Variants in TAPT1 observed in about 807,000 individuals in gnomAD.
TAPT1 encodes the protein transmembrane anterior posterior transformation 1.
In TAPT1, 28 loss-of-function variants were observed where a neutral mutation model predicts 65.6. The observed-to-expected ratio is 0.43, with a 90% CI of 0.32 to 0.59. The LOEUF (loss-of-function observed/expected upper bound fraction) is 0.59, where lower values mean the gene tolerates loss of function less well. TAPT1 is among the 20% of genes least tolerant of loss of function. The pLI is 0.09. For synonymous variants in TAPT1, 278 were observed against 245.2 expected (o/e 1.13, Z -1.25); for missense variants, 563 against 679.9 (o/e 0.83, Z 1.91).
chr4:16,202,134 C>T (rs961776551), intron 3 of TAPT1, among the ~76,000 whole-genome samples: 1 of 152,078 alleles, frequency 6.6e-6, no homozygotes. Context: ...GAAATAAAGG[C>T]CCAGGTGAGT....
intron 3 of TAPT1, among the ~76,000 whole-genome samples, chr4:16,200,176 AACAGCCACTAAGAACATG>A (rs1749949435): frequency 6.6e-6 from 1 of 152,224 alleles, no homozygotes; most frequent in Non-Finnish European, 1.5e-5. Context: ...ACATTGTGCC[AACAGCCACTAAGAACATG>A]ACATGTCTTT....
rs941024143 is a variant in TAPT1 at position 16,226,340 on chromosome 4, G to A, written c.118C>T (p.Pro40Ser). 1.8e-6 allele frequency: 2 copies of A among 1,116,966 alleles called. No homozygotes were observed. Among genetic ancestry groups the A allele is most frequent in the African/African-American group, 1.7e-5 (1 of 60,014 alleles). The allele number at this position is 1,116,966 out of a possible 1,614,324, so 69.2% of individuals were successfully genotyped here. Residue 40 changes from proline (P) to serine (S), a missense_variant, in exon 1 of 14, where the codon CCC becomes TCC. Coordinates refer to ENST00000405303, the MANE Select transcript of TAPT1 (RefSeq NM_153365.3). ...TCTGTGAGCTGAGGCGCCGGCGGGG[G>A]CCCCTGTCCGCCGCTGCCGCCCGGC... ...EQPGGSGGQGPPPAPQLTETL... is the reference protein window; with the variant it reads ...EQPGGSGGQGSPPAPQLTETL...
intron 8 of TAPT1, among the ~76,000 whole-genome samples, chr4:16,178,269 GATGT>G (rs1265595988): frequency 1.3e-5 from 2 of 152,156 alleles, no homozygotes. Context: ...GCTGCTGTGA[GATGT>G]CATTTAATCT....
At chr4:16,182,261 T>C (rs1748752774) in intron 7 of TAPT1, among the ~76,000 whole-genome samples, 1 of 152,076 alleles carries the variant, frequency 6.6e-6, no homozygotes, top group Non-Finnish European at 1.5e-5. Flanking sequence ...AATAACAGAG[T>C]CTGATACTGA....
chr4:16,169,217 G>A (rs1578409953), intron 12 of TAPT1, among the ~76,000 whole-genome samples: 1 of 152,316 alleles, frequency 6.6e-6, no homozygotes, highest in Admixed American at 6.5e-5. Flanking sequence ...GGAGGCTGGG[G>A]CACAGGTGCC....
chr4:16,162,973 A>ATTCAACAT lies in TAPT1; in HGVS notation c.*327_*334dup, dbSNP rs1361753547. On this transcript the variant is annotated 3_prime_UTR_variant, in exon 14 of 14. Transcript: ENST00000405303. ...TTATACTGAAGAGGCCTTGAGGCAA[A>ATTCAACAT]TTCAACATTCTGGAAGCCCAGACTG... The ATTCAACAT allele has an allele frequency of 4.2e-6, 2 of 475,264 alleles. No individual in the cohort carries two copies. Among genetic ancestry groups the ATTCAACAT allele is most frequent in the Admixed American group, 4.6e-5 (2 of 43,096 alleles). The allele number at this position is 475,264 out of a possible 1,614,324, so 29.4% of individuals were successfully genotyped here. A position where few individuals can be genotyped will look rare whatever the true frequency, so the allele number is the denominator to read the frequency against.
At position 16,176,127 on chromosome 4, in the gene TAPT1, T is replaced by C. The variant is rs1445089900; in HGVS notation, c.1099A>G (p.Thr367Ala). ...CATATCAAAATACATACATCTGCAGTAATGTCATTGAATTTAGTAATAAAG... is the reference window on the plus strand; with the variant it reads ...CATATCAAAATACATACATCTGCAGCAATGTCATTGAATTTAGTAATAAAG... ...HAFITKFNDITADVYSEYRAS... is the reference protein window; with the variant it reads ...HAFITKFNDIAADVYSEYRAS... The change falls in exon 9 of 14, where the codon ACT becomes GCT. Residue 367 changes from threonine (T) to alanine (A), a missense_variant. Around this residue, in one of 5 missense-constraint regions of TAPT1, gnomAD observed 104 missense variants for 102.5 expected, o/e 1.01. Coordinates refer to ENST00000405303, the MANE Select transcript of TAPT1 (RefSeq NM_153365.3). 5.3e-6 allele frequency: 8 copies of C among 1,497,780 alleles called. No individual in the cohort carries two copies. Among genetic ancestry groups the C allele is most frequent in the South Asian group, 2.5e-5 (2 of 80,274 alleles). The allele number at this position is 1,497,780 out of a possible 1,614,324, so 92.8% of individuals were successfully genotyped here. A position where few individuals can be genotyped will look rare whatever the true frequency, so the allele number is the denominator to read the frequency against.
At chr4:16,189,275 C>T (rs920288426) in intron 4 of TAPT1, among the ~76,000 whole-genome samples, 3 of 152,162 alleles carry the variant, frequency 2.0e-5, no homozygotes, top group African/African-American at 4.8e-5. Context: ...CTCCTATGGT[C>T]TCTACTGCCT....
At chr4:16,185,050 A>C (rs1748922641) in intron 7 of TAPT1, among the ~76,000 whole-genome samples, 1 of 151,978 alleles carries the variant, frequency 6.6e-6, no homozygotes, top group South Asian at 2.1e-4. Context: ...CAAGGTTGTG[A>C]ATGTTTTCTC....
At chr4:16,223,859 T>C (rs1039660903) in intron 1 of TAPT1, among the ~76,000 whole-genome samples, 2 of 152,252 alleles carry the variant, frequency 1.3e-5, no homozygotes, top group African/African-American at 4.8e-5. Context: ...TGTACATTCA[T>C]TTAGGGAATT....
chr4:16,216,544 C>A (rs1201723349), intron 1 of TAPT1, among the ~76,000 whole-genome samples: 1 of 152,170 alleles, frequency 6.6e-6, no homozygotes, highest in African/African-American at 2.4e-5. Context: ...ATCTTGCCCA[C>A]TGATTCAGCA....
intron 1 of TAPT1, among the ~76,000 whole-genome samples, chr4:16,225,121 A>C (rs1751469852): frequency 6.6e-6 from 1 of 152,266 alleles, no homozygotes; most frequent in African/African-American, 2.4e-5. Flanking sequence ...ATGGTTGAGA[A>C]TTTTTAAGTG....
At position 16,174,245 on chromosome 4, in the gene TAPT1, C is replaced by A. The variant is rs770656839; in HGVS notation, c.1195G>T (p.Ala399Ser). Residue 399 changes from alanine (A) to serine (S), a missense_variant, in exon 11 of 14, where the codon GCA becomes TCA. By Grantham distance (99) the Ala-to-Ser change is moderately conservative. Transcript: ENST00000405303. The stretch of plus-strand genomic sequence containing the variant: ...AGAGGAATAAAGCCCATCCTCCGTG[C>A]TACAGAGTCACTGTAATCAGTGTAT... Reference protein sequence around the residue: ...NAYTDYSDSVARRMGFIPLPL... With the variant: ...NAYTDYSDSVSRRMGFIPLPL... 2 of 1,607,890 alleles carry A rather than the reference C, an allele frequency of 1.2e-6. No homozygotes were observed. The highest frequency in any genetic ancestry group is 1.7e-6 in the Non-Finnish European group (2 of 1,177,164).
At chr4:16,217,059 T>C (rs1750980772) in intron 1 of TAPT1, among the ~76,000 whole-genome samples, 1 of 152,080 alleles carries the variant, frequency 6.6e-6, no homozygotes, top group African/African-American at 2.4e-5. Flanking sequence ...TTCACACTGC[T>C]CCTTGGTCTG....
intron 1 of TAPT1, chr4:16,225,978 G>C (rs1452839205): frequency 1.0e-6 from 1 of 995,514 alleles, no homozygotes; most frequent in Non-Finnish European, 1.2e-6. Flanking sequence ...GCGATGCAAG[G>C]ACCCGGACAG....
chr4:16,200,847 A>C (rs1749986469), intron 3 of TAPT1, among the ~76,000 whole-genome samples: 1 of 152,198 alleles, frequency 6.6e-6, no homozygotes, highest in East Asian at 1.9e-4. Flanking sequence ...GTATTAATGC[A>C]CCACGCTACA....
rs1325017708 is a variant in TAPT1, at chr4:16,186,857, A to C, written c.770T>G (p.Met257Arg). 6.2e-7 allele frequency: 1 copy of C among 1,610,138 alleles called. No individual in the cohort carries two copies. The highest frequency in any genetic ancestry group is 8.5e-7 in the Non-Finnish European group (1 of 1,177,588). The change falls in exon 6 of 14, where the codon ATG (methionine) becomes AGG (arginine). Residue 257 changes from methionine (M) to arginine (R), a missense_variant. Coordinates refer to ENST00000405303, the MANE Select transcript of TAPT1 (RefSeq NM_153365.3). ...TACATTGAGAGTTGTTGCTTGAACC[A>C]TTATAAGAATTGCATGCAAAACTAA... ...LYVFLHAILI[M>R]VQATTLNVAF...
rs543739769 is a variant in TAPT1, at chr4:16,197,274, A to G, written c.449+5188T>C. On this transcript the variant is annotated intron_variant, in intron 3 of 13. Transcript: ENST00000405303. ...CAGGGGACAGAACATTTGCTCACAC[A>G]TATTTTAGTTGCTCTAATAGTAAAA... 1.5e-3 allele frequency among the ~76,000 whole-genome samples: 224 copies of G among 152,338 alleles called. 2 individuals carry two copies. In the South Asian group the frequency reaches 0.024, roughly 17 times the overall value.
Position 16,162,703 on chromosome 4 carries a change from C to CT in TAPT1, c.*604_*605insA, listed in dbSNP as rs1444400072. ...TTTTTTAATAAATAAACTAGTTTAGCATTTTTTTTTAACCCTACAAAATGC... is the reference window on the plus strand; with the variant it reads ...TTTTTTAATAAATAAACTAGTTTAGCTATTTTTTTTTAACCCTACAAAATGC... On this transcript the variant is annotated 3_prime_UTR_variant, in exon 14 of 14. Coordinates refer to ENST00000405303, the MANE Select transcript of TAPT1 (RefSeq NM_153365.3). 1.2e-5 allele frequency: 1 copy of CT among 86,926 alleles called. No individual in the cohort carries two copies. The highest frequency in any genetic ancestry group is 4.7e-5 in the African/African-American group (1 of 21,114). 5.4% of individuals were successfully genotyped at this position (86,926 alleles called of 1,614,324 possible). A position where few individuals can be genotyped will look rare whatever the true frequency, so the allele number is the denominator to read the frequency against.
Sources: gnomAD v4.1 joint callset for allele counts (sites outside exome capture counted in the v4.1 genomes callset) on GRCh38, gnomAD v4.1.1 for gene constraint, gnomAD v4.1.1 regional missense constraint, MANE v1.5 for transcripts, NCBI Gene and HGNC (gene_info 2026-07-23, HGNC 2026-07-21) for gene names.